Variants in PPARGC1A observed in about 807,000 individuals in gnomAD.
PPARGC1A encodes the protein PPARG coactivator 1 alpha.
In PPARGC1A, 25 loss-of-function variants were observed where a neutral mutation model predicts 88.7. The observed-to-expected ratio is 0.28, with a 90% CI of 0.21 to 0.39. PPARGC1A has a LOEUF of 0.39. Ranked by LOEUF, PPARGC1A falls within the 10% of genes least tolerant of loss-of-function variation. The pLI is 1.00. For synonymous variants in PPARGC1A, 363 were observed against 355.6 expected, an observed-to-expected ratio of 1.02 and a Z score of -0.24; for missense variants, 880 against 968.7, an observed-to-expected ratio of 0.91 and a Z score of 1.22.
At chr4:24,415,962 T>C in the PPARGC1A span, among the ~76,000 whole-genome samples, 3 of 152,266 alleles carry the variant, frequency 2.0e-5, no homozygotes, top group South Asian at 6.2e-4. Flanking sequence ...AACATGTACA[T>C]GAATAGCTAC....
the PPARGC1A span, among the ~76,000 whole-genome samples, chr4:24,172,775 G>A: frequency 6.6e-6 from 1 of 152,108 alleles, no homozygotes; most frequent in South Asian, 2.1e-4. Flanking sequence ...TGCAAACACG[G>A]CACTTTACCC....
chr4:23,971,654 G>T, the PPARGC1A span, among the ~76,000 whole-genome samples: 1 of 152,150 alleles, frequency 6.6e-6, no homozygotes, highest in Non-Finnish European at 1.5e-5. Flanking sequence ...GTATATTCTG[G>T]CTGTGCTGGC....
At chr4:23,858,190 C>A (rs756895144) in intron 2 of PPARGC1A, among the ~76,000 whole-genome samples, 1 of 151,960 alleles carries the variant, frequency 6.6e-6, no homozygotes, top group Non-Finnish European at 1.5e-5. Context: ...AATGCATACC[C>A]CCTCTATTCC....
At chr4:24,100,773 G>A in the PPARGC1A span, among the ~76,000 whole-genome samples, 3 of 152,238 alleles carry the variant, frequency 2.0e-5, no homozygotes, top group South Asian at 6.2e-4. Flanking sequence ...TAATTTACAG[G>A]TAAGGCCGCT....
chr4:23,887,920 A>G (rs1463804111), intron 1 of PPARGC1A, among the ~76,000 whole-genome samples: 12 of 152,170 alleles, frequency 7.9e-5, no homozygotes, highest in African/African-American at 2.9e-4. Context: ...GTCTCTATCA[A>G]TCTTAGTAAC....
chr4:23,966,697 CTG>C, the PPARGC1A span, among the ~76,000 whole-genome samples: 1 of 152,212 alleles, frequency 6.6e-6, no homozygotes, highest in African/African-American at 2.4e-5. Flanking sequence ...CTCAACTAAT[CTG>C]TGCTGGAGCA....
the PPARGC1A span, among the ~76,000 whole-genome samples, chr4:24,061,889 G>A: frequency 1.3e-5 from 2 of 152,130 alleles, no homozygotes; most frequent in Non-Finnish European, 2.9e-5. Flanking sequence ...GAGTTCCATC[G>A]AGTTTGGGAG....
chr4:23,812,694 C>T, intron 10 of PPARGC1A, 53 bp downstream of exon 10: 1 of 1,602,188 alleles, frequency 6.2e-7, no homozygotes, highest in Non-Finnish European at 8.5e-7. Context: ...AAAAAGCACA[C>T]AGAAAAAGAA....
At chr4:24,024,418 T>G in the PPARGC1A span, among the ~76,000 whole-genome samples, 1 of 152,234 alleles carries the variant, frequency 6.6e-6, no homozygotes, top group Non-Finnish European at 1.5e-5. Flanking sequence ...CTTCCCTGGC[T>G]TACTTCACAT....
At chr4:24,383,623 A>T in the PPARGC1A span, among the ~76,000 whole-genome samples, 1,975 of 152,302 alleles carry the variant, frequency 0.013, 43 homozygotes, top group African/African-American at 0.046. Flanking sequence ...AAGAAAGGAT[A>T]TCAGAGATTG....
chr4:23,910,131 AAAAT>A, the PPARGC1A span, among the ~76,000 whole-genome samples: 1 of 129,888 alleles, frequency 7.7e-6, no homozygotes, highest in African/African-American at 2.9e-5. Context: ...ATATATATAA[AAAAT>A]ATATATCTAT....
chr4:23,846,316 A>G (rs1478587923), intron 2 of PPARGC1A, among the ~76,000 whole-genome samples: 1 of 152,218 alleles, frequency 6.6e-6, no homozygotes, highest in Non-Finnish European at 1.5e-5. Flanking sequence ...TGACATCCAA[A>G]GGGTTAAACA....
upstream of PPARGC1A, among the ~76,000 whole-genome samples, chr4:23,894,640 G>C (rs926179639): frequency 1.3e-5 from 2 of 152,032 alleles, no homozygotes; most frequent in Non-Finnish European, 2.9e-5. Flanking sequence ...CTGCAGACCG[G>C]CTCTATGGAA....
At chr4:23,865,308 A>G (rs1275384796) in intron 2 of PPARGC1A, among the ~76,000 whole-genome samples, 1 of 152,172 alleles carries the variant, frequency 6.6e-6, no homozygotes, top group Non-Finnish European at 1.5e-5. Flanking sequence ...GATAGAAAAT[A>G]CCCATTTCTT....
the PPARGC1A span, among the ~76,000 whole-genome samples, chr4:24,039,106 T>C: frequency 1.3e-5 from 2 of 152,138 alleles, no homozygotes; most frequent in Non-Finnish European, 2.9e-5. Flanking sequence ...CATTCTGCCA[T>C]CCCAAAGCTT....
chr4:24,301,634 G>A, the PPARGC1A span, among the ~76,000 whole-genome samples: 2 of 148,580 alleles, frequency 1.3e-5, no homozygotes, highest in Non-Finnish European at 1.5e-5. Context: ...AAAAGAGTAC[G>A]TGCATGTGGA....
At chr4:24,252,433 T>A in the PPARGC1A span, among the ~76,000 whole-genome samples, 1 of 152,220 alleles carries the variant, frequency 6.6e-6, no homozygotes, top group Non-Finnish European at 1.5e-5. Context: ...TTCTGACCTC[T>A]CCCACCCTTT....
At chr4:24,408,026 A>G in the PPARGC1A span, among the ~76,000 whole-genome samples, 6 of 152,228 alleles carry the variant, frequency 3.9e-5, no homozygotes, top group African/African-American at 1.4e-4. Context: ...AAAGAGAGAC[A>G]AACTGATTTT....
At chr4:24,129,181 TG>T in the PPARGC1A span, among the ~76,000 whole-genome samples, 4 of 152,110 alleles carry the variant, frequency 2.6e-5, no homozygotes, top group African/African-American at 9.7e-5. Context: ...GTAATGGTAA[TG>T]GGGGGAAAGA....
Sources: allele counts gnomAD v4.1 joint callset (sites outside exome capture counted in the v4.1 genomes callset), GRCh38; gene constraint gnomAD v4.1.1; transcripts MANE v1.5; gene names NCBI Gene and HGNC (gene_info 2026-07-23, HGNC 2026-07-21).